Variants in NELL1 observed in about 807,000 individuals in gnomAD.
NELL1 encodes the protein neural EGFL like 1, also known as protein kinase C-binding protein NELL1.
NELL1 carries 76 observed loss-of-function variants against 107.4 expected under a neutral mutation model. The observed-to-expected ratio is 0.71, with a 90% CI of 0.59 to 0.86. The LOEUF (loss-of-function observed/expected upper bound fraction) is 0.86. Ranked by LOEUF, NELL1 falls within the 40% of genes least tolerant of loss-of-function variation. The pLI, the probability that NELL1 is intolerant of heterozygous loss-of-function variation, is 0.00. For missense variants in NELL1, 1,024 were observed against 1,005.5 expected (o/e 1.02, Z -0.25); for synonymous variants, 353 against 341.2 (o/e 1.03, Z -0.38).
chr11:21,545,409 G>A (rs1856416969), intron 16 of NELL1, among the ~76,000 whole-genome samples: 1 of 151,954 alleles, frequency 6.6e-6, no homozygotes, highest in African/African-American at 2.4e-5. Flanking sequence ...TGCTGAGAAA[G>A]GAAGACATGG....
intron 15 of NELL1, among the ~76,000 whole-genome samples, chr11:21,528,966 T>G (rs1456966071): frequency 6.6e-6 from 1 of 152,136 alleles, no homozygotes; most frequent in East Asian, 1.9e-4. Context: ...GTATGAGTTC[T>G]AACCTGAGCA....
chr11:21,206,899 T>C (rs1333963973), intron 13 of NELL1, among the ~76,000 whole-genome samples: 4 of 152,182 alleles, frequency 2.6e-5, no homozygotes, highest in Non-Finnish European at 4.4e-5. Context: ...CTCCTCTAGG[T>C]ATCTGTGAAA....
At chr11:21,445,840 T>A (rs1028223376) in intron 15 of NELL1, among the ~76,000 whole-genome samples, 9 of 152,318 alleles carry the variant, frequency 5.9e-5, no homozygotes, top group African/African-American at 4.8e-5. Flanking sequence ...TAAAAGTGTC[T>A]TGTTGTTTTC....
chr11:21,565,385 C>T (rs746532452), intron 17 of NELL1, among the ~76,000 whole-genome samples: 43 of 151,832 alleles, frequency 2.8e-4, no homozygotes, highest in African/African-American at 9.9e-4. Flanking sequence ...GCTACCTCCC[C>T]ATCTGACTGG....
intron 3 of NELL1, among the ~76,000 whole-genome samples, chr11:20,847,372 T>C (rs1039767812): frequency 3.9e-5 from 6 of 152,178 alleles, no homozygotes; most frequent in Non-Finnish European, 7.3e-5. Context: ...AATTGATCTC[T>C]GTTTCAGAGG....
At chr11:20,960,226 A>G (rs1345933757) in intron 11 of NELL1, among the ~76,000 whole-genome samples, 1 of 152,144 alleles carries the variant, frequency 6.6e-6, no homozygotes, top group Non-Finnish European at 1.5e-5. Context: ...AAATTTGAGT[A>G]TGGGTGGGGG....
chr11:20,876,715 A>G (rs1257987761), intron 4 of NELL1, among the ~76,000 whole-genome samples: 1 of 152,180 alleles, frequency 6.6e-6, no homozygotes, highest in African/African-American at 2.4e-5. Context: ...CAGAGCTGAG[A>G]TCGCGCCACT....
chr11:21,229,225 T>G, intron 13 of NELL1, 107 bp from the exon 14 acceptor site: 2 of 1,261,454 alleles, frequency 1.6e-6, no homozygotes, highest in Non-Finnish European at 2.2e-6. Flanking sequence ...TACTGACAAG[T>G]GGTAGTCACT....
chr11:21,574,911 G>A, intron 19 of NELL1, 61 bp from the exon 20 acceptor site: 1 of 1,410,682 alleles, frequency 7.1e-7, no homozygotes, highest in Non-Finnish European at 1.0e-6. Context: ...TATAAAAATT[G>A]CAGACTGCTA....
intron 12 of NELL1, among the ~76,000 whole-genome samples, chr11:21,039,748 G>A (rs928777649): frequency 1.3e-5 from 2 of 152,100 alleles, no homozygotes; most frequent in African/African-American, 2.4e-5. Context: ...AACTAACAGA[G>A]AGAAAAATTC....
chr11:21,165,336 A>G (rs769682556), intron 13 of NELL1, among the ~76,000 whole-genome samples: 2 of 152,170 alleles, frequency 1.3e-5, no homozygotes, highest in Non-Finnish European at 2.9e-5. Flanking sequence ...AATACTCTAC[A>G]TGCTGATGAC....
At chr11:21,243,581 A>G (rs1294965486) in intron 14 of NELL1, among the ~76,000 whole-genome samples, 1 of 152,166 alleles carries the variant, frequency 6.6e-6, no homozygotes, top group Non-Finnish European at 1.5e-5. Flanking sequence ...AAACAAAGCA[A>G]AATGCGCACA....
At chr11:21,402,689 G>A (rs534796651) in intron 15 of NELL1, among the ~76,000 whole-genome samples, 1 of 149,160 alleles carries the variant, frequency 6.7e-6, no homozygotes, top group Admixed American at 6.7e-5. Context: ...TCAAGAACAA[G>A]TCCTTGGTAC....
chr11:21,573,157 T>G lies in NELL1; in HGVS notation c.2158-28T>G, dbSNP rs755630871. On this transcript the variant is annotated intron_variant, in intron 18 of 19. Transcript: ENST00000357134. ...ATAAAATTATGCATAGGAACAATAA[T>G]GAGACATTTTTTGCTTTTCCTCTAC... 7.1e-5 allele frequency: 111 copies of G among 1,559,188 alleles called. No individual in the cohort carries two copies. In the Admixed American group the frequency reaches 8.4e-4, roughly 12 times the overall value.
intron 12 of NELL1, among the ~76,000 whole-genome samples, chr11:21,086,408 T>G (rs1283780288): frequency 6.6e-6 from 1 of 152,206 alleles, no homozygotes; most frequent in Non-Finnish European, 1.5e-5. Flanking sequence ...GTATTTTCAT[T>G]TACTAAATAT....
intron 2 of NELL1, among the ~76,000 whole-genome samples, chr11:20,765,574 A>G (rs2133962442): frequency 6.6e-6 from 1 of 152,268 alleles, no homozygotes; most frequent in Admixed American, 6.5e-5. Flanking sequence ...ATGGCAGGTA[A>G]CCAGGTATGG....
At chr11:20,889,118 G>A (rs908069823) in intron 5 of NELL1, among the ~76,000 whole-genome samples, 12 of 152,128 alleles carry the variant, frequency 7.9e-5, no homozygotes, top group African/African-American at 2.2e-4. Flanking sequence ...TGCAAGGAGG[G>A]AAGAATTTTT....
At chr11:21,104,135 T>A (rs1293098062) in intron 12 of NELL1, among the ~76,000 whole-genome samples, 3 of 152,200 alleles carry the variant, frequency 2.0e-5, no homozygotes. Context: ...TTGGACCTTT[T>A]TGGAAGCACT....
chr11:20,952,819 T>A (rs1204065082), intron 11 of NELL1, among the ~76,000 whole-genome samples: 1 of 152,192 alleles, frequency 6.6e-6, no homozygotes, highest in Non-Finnish European at 1.5e-5. Flanking sequence ...ACACTAAGGC[T>A]AGGCTGCCTC....
Sources: allele counts gnomAD v4.1 joint callset (sites outside exome capture counted in the v4.1 genomes callset), GRCh38; gene constraint gnomAD v4.1.1; transcripts MANE v1.5; gene names NCBI Gene and HGNC (gene_info 2026-07-23, HGNC 2026-07-21).